Variants in PDE2A observed in about 807,000 individuals in gnomAD.
PDE2A encodes the protein cGMP-dependent 3',5'-cyclic phosphodiesterase.
PDE2A carries 53 observed loss-of-function variants against 133.6 expected under a neutral mutation model. The ratio of observed to expected loss-of-function variants is 0.40; its 90% CI spans 0.32 to 0.50. PDE2A has a LOEUF of 0.50. Ranked by LOEUF, PDE2A falls within the 20% of genes least tolerant of loss-of-function variation. PDE2A has a pLI of 0.73. For missense variants in PDE2A, 796 were observed against 1,232.4 expected (o/e 0.65, Z 5.30); for synonymous variants, 491 against 490.2 (o/e 1.00, Z -0.02).
At chr11:72,635,980 C>G (rs1170029769) in intron 2 of PDE2A, 1 of 1,238,326 alleles carries the variant, frequency 8.1e-7, no homozygotes, top group Admixed American at 2.3e-5. Flanking sequence ...CCCCTCTTAC[C>G]CTGAGCTCCC....
intron 1 of PDE2A, among the ~76,000 whole-genome samples, chr11:72,667,254 C>T (rs937768214): frequency 7.9e-5 from 12 of 152,330 alleles, no homozygotes; most frequent in African/African-American, 2.4e-4. Flanking sequence ...TACACATACA[C>T]ACACTGAGAC....
intron 2 of PDE2A, chr11:72,631,242 T>TGGAGGAGGGGG: frequency 1.2e-6 from 1 of 854,156 alleles, no homozygotes; most frequent in Non-Finnish European, 1.8e-6. Flanking sequence ...GATGGCCCCC[T>TGGAGGAGGGGG]CCTCCAGGGA....
chr11:72,648,743 C>G (rs459546), intron 1 of PDE2A, among the ~76,000 whole-genome samples: 85,474 of 151,972 alleles, frequency 0.56, 25,331 homozygotes, highest in Middle Eastern at 0.78. Flanking sequence ...CCATCATCCA[C>G]AGACCCCAAG....
rs201827994 is a variant in PDE2A, at chr11:72,578,442, C to A, written c.2508+34G>T. ...CTGTCCCAGGCCAGGAACCCTCCCC[C>A]ATCCTGGACATCCTGGGGTCACTCC... On this transcript the variant is annotated intron_variant, in intron 29 of 30. Transcript: ENST00000334456. This position sits in a 1 kb window ranked among gnomAD's most constrained non-coding sequence, Gnocchi z 4.2. The A allele has an allele frequency of 2.4e-4, 377 of 1,600,154 alleles. No individual in the cohort carries two copies. The highest frequency in any genetic ancestry group is 2.9e-4 in the Non-Finnish European group (339 of 1,167,358).
rs1283836181 is a variant in PDE2A, at chr11:72,584,184, C to T, written c.1650+17G>A. ...GCCCCCTATCACCCCACACCCCACTCCCAACCCCGCCCTCACATGGGCGAT... is the reference window on the plus strand; with the variant it reads ...GCCCCCTATCACCCCACACCCCACTTCCAACCCCGCCCTCACATGGGCGAT... On this transcript the variant is annotated intron_variant, in intron 19 of 30. Transcript: ENST00000334456. 4 of 1,123,788 alleles carry T rather than the reference C, an allele frequency of 3.6e-6. No homozygotes were observed. Among genetic ancestry groups the T allele is most frequent in the Non-Finnish European group, 5.3e-6 (4 of 756,520 alleles). The allele number at this position is 1,123,788 out of a possible 1,614,324, so 69.6% of individuals were successfully genotyped here.
At chr11:72,625,577 G>C (rs1858017125) in intron 2 of PDE2A, among the ~76,000 whole-genome samples, 1 of 152,176 alleles carries the variant, frequency 6.6e-6, no homozygotes, top group Admixed American at 6.5e-5. Context: ...CCTGAGGAGG[G>C]GACACCAGGC....
At chr11:72,610,424 T>C (rs147572689) in intron 2 of PDE2A, among the ~76,000 whole-genome samples, 265 of 152,300 alleles carry the variant, frequency 1.7e-3, no homozygotes, top group Non-Finnish European at 2.8e-3. Context: ...CACGCTGGGC[T>C]CTCAATGAAG....
chr11:72,606,141 T>C (rs975314571), intron 3 of PDE2A, among the ~76,000 whole-genome samples: 26 of 151,832 alleles, frequency 1.7e-4, no homozygotes, highest in Admixed American at 3.3e-4. Flanking sequence ...TTGGCAGAAG[T>C]AGTTGCCCTC....
At chr11:72,619,084 C>T (rs1591081312) in intron 2 of PDE2A, among the ~76,000 whole-genome samples, 1 of 152,132 alleles carries the variant, frequency 6.6e-6, no homozygotes, top group East Asian at 1.9e-4. Flanking sequence ...ACACACTGGG[C>T]TGGGTAAATA....
At chr11:72,630,996 G>T in intron 2 of PDE2A, 1 of 1,171,928 alleles carries the variant, frequency 8.5e-7, no homozygotes, top group Non-Finnish European at 1.2e-6. Context: ...CCTCCCAAGG[G>T]GGAGGGCACC....
At chr11:72,612,275 CCACACACACA>C (rs55775130) in intron 2 of PDE2A, among the ~76,000 whole-genome samples, 3,762 of 124,184 alleles carry the variant, frequency 0.03, 94 homozygotes, top group African/African-American at 0.043. Flanking sequence ...CACATCACAT[CCACACACACA>C]CACACACACA....
At chr11:72,639,683 C>T (rs2135433006) in intron 2 of PDE2A, among the ~76,000 whole-genome samples, 1 of 152,310 alleles carries the variant, frequency 6.6e-6, no homozygotes, top group South Asian at 2.1e-4. Context: ...GGTTCTCAGA[C>T]CACGACATTG....
chr11:72,627,288 C>T (rs1418652655), intron 2 of PDE2A, among the ~76,000 whole-genome samples: 1 of 152,236 alleles, frequency 6.6e-6, no homozygotes, highest in African/African-American at 2.4e-5. Context: ...GGGAAGGATA[C>T]ACTACCCACA....
intron 2 of PDE2A, among the ~76,000 whole-genome samples, chr11:72,622,213 C>T (rs1857806066): frequency 6.6e-6 from 1 of 152,058 alleles, no homozygotes; most frequent in Non-Finnish European, 1.5e-5. Context: ...CAGAAAATAA[C>T]ACATGTTGGC....
intron 6 of PDE2A, among the ~76,000 whole-genome samples, chr11:72,595,086 C>CT (rs1261415859): frequency 1.3e-5 from 2 of 152,112 alleles, no homozygotes; most frequent in Non-Finnish European, 2.9e-5. Context: ...CTGGCCCAGC[C>CT]TGAGCCAAGG....
At chr11:72,594,288 C>A (rs1189261363) in intron 6 of PDE2A, among the ~76,000 whole-genome samples, 1 of 152,192 alleles carries the variant, frequency 6.6e-6, no homozygotes, top group Non-Finnish European at 1.5e-5. Context: ...ACTCGGCCTT[C>A]CCAAAAGATC....
intron 1 of PDE2A, among the ~76,000 whole-genome samples, chr11:72,648,158 G>T (rs1337953651): frequency 6.6e-6 from 1 of 152,182 alleles, no homozygotes; most frequent in African/African-American, 2.4e-5. Flanking sequence ...CCTCTCCTGA[G>T]GGTCCTCCAA....
intron 2 of PDE2A, among the ~76,000 whole-genome samples, chr11:72,637,342 C>G (rs1193645751): frequency 1.3e-5 from 2 of 152,256 alleles, no homozygotes; most frequent in East Asian, 3.8e-4. Flanking sequence ...GGGGCTGATG[C>G]AACATTGCTC....
chr11:72,666,664 T>C (rs979033785), intron 1 of PDE2A, among the ~76,000 whole-genome samples: 1 of 152,206 alleles, frequency 6.6e-6, no homozygotes, highest in African/African-American at 2.4e-5. Flanking sequence ...CTCATCCCTG[T>C]GCTCACATTG....
Sources: allele counts gnomAD v4.1 joint callset (sites outside exome capture counted in the v4.1 genomes callset), GRCh38; gene constraint gnomAD v4.1.1; non-coding constraint Gnocchi (gnomAD v3.1); transcripts MANE v1.5; gene names NCBI Gene and HGNC (gene_info 2026-07-23, HGNC 2026-07-21).